The following ARHGEF11 variants were observed in gnomAD, a reference collection of about 807,000 sequenced individuals.
ARHGEF11 encodes the protein Rho guanine exchange factor (GEF) 11.
A neutral mutation model predicts 193.7 loss-of-function variants in ARHGEF11; 55 were observed. The ratio of observed to expected loss-of-function variants is 0.28; its 90% CI spans 0.23 to 0.36. ARHGEF11 has a LOEUF of 0.36. ARHGEF11 is among the 10% of genes least tolerant of loss of function. The pLI, the probability that ARHGEF11 is intolerant of heterozygous loss-of-function variation, is 1.00. For missense variants in ARHGEF11, 1,723 were observed against 2,005.6 expected (o/e 0.86, Z 2.69); for synonymous variants, 693 against 768.0 (o/e 0.90, Z 1.62).
At chr1:157,022,866 G>A (rs1234304407) in intron 1 of ARHGEF11, among the ~76,000 whole-genome samples, 1 of 152,162 alleles carries the variant, frequency 6.6e-6, no homozygotes, top group Non-Finnish European at 1.5e-5. Flanking sequence ...TGGGTCCACT[G>A]ATTTTTAACA....
chr1:157,000,728 A>G (rs542064324), intron 1 of ARHGEF11, among the ~76,000 whole-genome samples: 2 of 152,334 alleles, frequency 1.3e-5, no homozygotes, highest in Non-Finnish European at 2.9e-5. Flanking sequence ...AGTTGATGGT[A>G]TGAGGTCTGC....
At chr1:157,043,376 G>A (rs890668015) in intron 1 of ARHGEF11, among the ~76,000 whole-genome samples, 1 of 152,194 alleles carries the variant, frequency 6.6e-6, no homozygotes, top group East Asian at 1.9e-4. Flanking sequence ...GCGTTGAGGA[G>A]GGGTAGGGGA....
In ARHGEF11 at chr1:157,020,140, G is replaced by T. The variant is rs957397277; in HGVS notation, c.32+24159C>A. 4.5e-5 allele frequency among the ~76,000 whole-genome samples: 6 copies of T among 132,910 alleles called. No individual in the cohort carries two copies. In the East Asian group the frequency reaches 1.2e-3, roughly 27 times the overall value. The allele number at this position is 132,910 out of a possible 152,430, so 87.2% of individuals were successfully genotyped here. The stretch of plus-strand genomic sequence containing the variant: ...CTCTGTCTCAGAAAAAAAAAAAAAA[G>T]AAGAAGAGAGAGACGGATTACAAAG... On this transcript the variant is annotated intron_variant, in intron 1 of 40. Transcript: ENST00000368194.
chr1:157,008,859 C>T (rs1176099336), intron 1 of ARHGEF11, among the ~76,000 whole-genome samples: 1 of 152,224 alleles, frequency 6.6e-6, no homozygotes, highest in Non-Finnish European at 1.5e-5. Context: ...AATGGTATCA[C>T]CTTTGAGAGG....
chr1:156,953,787 C>A (rs1160338071), intron 21 of ARHGEF11, among the ~76,000 whole-genome samples: 1 of 152,170 alleles, frequency 6.6e-6, no homozygotes, highest in East Asian at 1.9e-4. Flanking sequence ...TGTGACAATT[C>A]ACTGTAGGCT....
At chr1:157,007,298 G>A (rs1478739902) in intron 1 of ARHGEF11, among the ~76,000 whole-genome samples, 2 of 152,196 alleles carry the variant, frequency 1.3e-5, no homozygotes, top group Admixed American at 1.3e-4. Context: ...ATGGAAAGAT[G>A]TGGAAAAAGG....
intron 8 of ARHGEF11, among the ~76,000 whole-genome samples, chr1:156,971,162 T>C (rs745821960): frequency 4.6e-5 from 7 of 152,226 alleles, no homozygotes; most frequent in Non-Finnish European, 7.3e-5. Context: ...CTGAAGAGAA[T>C]AGATAAAGAA....
intron 36 of ARHGEF11, 40 bp downstream of exon 36, chr1:156,940,167 T>G (rs1289710178): frequency 6.5e-7 from 1 of 1,534,056 alleles, no homozygotes; most frequent in Non-Finnish European, 8.8e-7. Context: ...GGTGTGCGAC[T>G]GGGGACCAGG....
At chr1:157,014,027 GTGTGATCTAACATGCAGA>G (rs1668892019) in intron 1 of ARHGEF11, among the ~76,000 whole-genome samples, 1 of 152,152 alleles carries the variant, frequency 6.6e-6, no homozygotes, top group Non-Finnish European at 1.5e-5. Flanking sequence ...TCACACTGCT[GTGTGATCTAACATGCAGA>G]TTCAAGGTCT....
At chr1:156,960,532 G>A (rs577177868) in intron 14 of ARHGEF11, 72 bp from the exon 15 acceptor site, 28 of 1,472,396 alleles carry the variant, frequency 1.9e-5, no homozygotes, top group South Asian at 6.9e-5. Flanking sequence ...TGTGCAAGGC[G>A]AGGAGGGCTT....
At chr1:156,955,644 G>A in intron 20 of ARHGEF11, 59 bp downstream of exon 20, 1 of 1,369,592 alleles carries the variant, frequency 7.3e-7, no homozygotes, top group Non-Finnish European at 1.0e-6. Context: ...ACTGGTACAT[G>A]AAAGGGCTGA....
intron 1 of ARHGEF11, among the ~76,000 whole-genome samples, chr1:157,025,306 C>G (rs1670514408): frequency 1.3e-5 from 2 of 152,298 alleles, no homozygotes; most frequent in South Asian, 4.1e-4. Flanking sequence ...TCCCTAAAGG[C>G]AAGTACTACT....
At position 156,943,892 on chromosome 1, in the gene ARHGEF11, G is replaced by C. The variant is rs1040025787; in HGVS notation, c.3235+43C>G. On this transcript the variant is annotated intron_variant, in intron 32 of 40. Transcript: ENST00000368194. Reference sequence around the variant, plus strand: ...GCCTCACCCAGCACTTGCTGGACATGGTCCCTGAGCCCCAGGCCAGCCTGG... The same window carrying C: ...GCCTCACCCAGCACTTGCTGGACATCGTCCCTGAGCCCCAGGCCAGCCTGG... 4.4e-6 allele frequency: 7 copies of C among 1,575,518 alleles called. No homozygotes were observed. In the Admixed American group the frequency reaches 7.1e-5, roughly 16 times the overall value.
intron 33 of ARHGEF11, among the ~76,000 whole-genome samples, chr1:156,942,355 G>T (rs1190232044): frequency 6.6e-6 from 1 of 152,234 alleles, no homozygotes. Context: ...TGCTGTCAAA[G>T]AACATGGGCT....
chr1:156,975,685 A>G (rs558968634), intron 7 of ARHGEF11, among the ~76,000 whole-genome samples: 14 of 152,326 alleles, frequency 9.2e-5, no homozygotes, highest in African/African-American at 3.1e-4. Flanking sequence ...TACAGTTTTT[A>G]AAAATAGTTT....
chr1:157,002,487 T>A (rs577926481), intron 1 of ARHGEF11, among the ~76,000 whole-genome samples: 1 of 152,312 alleles, frequency 6.6e-6, no homozygotes, highest in South Asian at 2.1e-4. Context: ...TAGTACTGTC[T>A]CTAGTAAACT....
At chr1:157,001,877 T>A (rs1667243423) in intron 1 of ARHGEF11, among the ~76,000 whole-genome samples, 1 of 152,228 alleles carries the variant, frequency 6.6e-6, no homozygotes, top group South Asian at 2.1e-4. Context: ...CTCTGTAGGT[T>A]TACAAAAATG....
At chr1:156,983,882 T>C (rs893940106) in intron 3 of ARHGEF11, among the ~76,000 whole-genome samples, 4 of 152,248 alleles carry the variant, frequency 2.6e-5, no homozygotes, top group African/African-American at 9.6e-5. Context: ...AATTTATTAT[T>C]TAATGTTAAT....
At chr1:156,973,113 T>C (rs1662740612) in intron 7 of ARHGEF11, among the ~76,000 whole-genome samples, 2 of 152,186 alleles carry the variant, frequency 1.3e-5, no homozygotes, top group South Asian at 4.1e-4. Context: ...TTTATTTAAA[T>C]AGACACAGGG....
Sources: allele counts gnomAD v4.1 joint callset (sites outside exome capture counted in the v4.1 genomes callset), GRCh38; gene constraint gnomAD v4.1.1; transcripts MANE v1.5; gene names NCBI Gene and HGNC (gene_info 2026-07-23, HGNC 2026-07-21).